Variants in SLC41A2 observed in about 807,000 individuals in gnomAD.
SLC41A2 encodes solute carrier family 41 member 2, also known as SLC41A1-like 1.
SLC41A2 carries 32 observed loss-of-function variants against 58.3 expected under a neutral mutation model. That is an observed-to-expected ratio of 0.55 (90% CI 0.41 to 0.74). The LOEUF is 0.74. Ranked by LOEUF, SLC41A2 falls within the 30% of genes least tolerant of loss-of-function variation. The pLI is 0.00. For missense variants in SLC41A2, 514 were observed against 680.6 expected (o/e 0.76, Z 2.72); for synonymous variants, 190 against 235.0 (o/e 0.81, Z 1.75).
At chr12:104,934,993 T>C (rs1301344447) in intron 1 of SLC41A2, among the ~76,000 whole-genome samples, 2 of 152,168 alleles carry the variant, frequency 1.3e-5, no homozygotes, top group African/African-American at 2.4e-5. Context: ...GTTTCGTTCT[T>C]GTTGCCCAAG....
intron 1 of SLC41A2, among the ~76,000 whole-genome samples, chr12:104,938,087 G>A (rs1171870131): frequency 6.6e-6 from 1 of 151,824 alleles, no homozygotes; most frequent in Non-Finnish European, 1.5e-5. Flanking sequence ...AATGTTCTTG[G>A]TAGCATTATC....
intron 1 of SLC41A2, among the ~76,000 whole-genome samples, chr12:104,929,859 A>G (rs1042942460): frequency 4.6e-5 from 7 of 152,234 alleles, no homozygotes; most frequent in Non-Finnish European, 1.0e-4. Context: ...AAACTACTAT[A>G]TTCCTCAGTA....
At chr12:104,853,969 T>C (rs2042924819) in intron 8 of SLC41A2, among the ~76,000 whole-genome samples, 1 of 143,482 alleles carries the variant, frequency 7.0e-6, no homozygotes, top group Non-Finnish European at 1.5e-5. Context: ...TATGTTGCCT[T>C]GGCTGGTCTC....
intron 7 of SLC41A2, 56 bp from the exon 8 acceptor site, chr12:104,861,426 T>C (rs2043208384): frequency 8.0e-7 from 1 of 1,256,248 alleles, no homozygotes; most frequent in Non-Finnish European, 1.2e-6. Flanking sequence ...ATACTTGAAG[T>C]TATTCTGTAC....
Position 104,805,175 on chromosome 12 carries a change from G to T in SLC41A2, c.1699C>A (p.Arg567=), listed in dbSNP as rs540046926. ...SFHFLWLIGD[R]DGDVGD is the part of the protein sequence containing the mutation. ...TATTAGTCTCCAACATCTCCATCTC[G>T]ATCTCCAATAAGCCAAAGAAAATGA... is the stretch of plus-strand genomic sequence containing the variant. Residue 567 remains arginine (R), a synonymous_variant, in exon 11 of 11, where the codon CGA becomes AGA. Coordinates refer to ENST00000258538, the MANE Select transcript of SLC41A2 (RefSeq NM_001352171.3). 1 of 1,610,816 alleles carries T rather than the reference G, an allele frequency of 6.2e-7. No homozygotes were observed. The highest frequency in any genetic ancestry group is 1.7e-5 in the Admixed American group (1 of 59,534).
intron 10 of SLC41A2, among the ~76,000 whole-genome samples, chr12:104,810,202 T>A (rs1019672146): frequency 3.3e-5 from 5 of 152,006 alleles, no homozygotes; most frequent in African/African-American, 9.7e-5. Flanking sequence ...TTAAAAAAAA[T>A]TTGGCTATCT....
rs547758588 is a variant in SLC41A2, at chr12:104,889,197, T to C, written c.736-20A>G. The C allele has an allele frequency of 1.9e-6, 3 of 1,596,060 alleles. No homozygotes were observed. Among genetic ancestry groups the C allele is most frequent in the Non-Finnish European group, 1.7e-6 (2 of 1,175,098 alleles). ...CTGAACCTAAAATTTTTTTCATAAATCCAACTGAATTATTCACTTTAAAAA... is the reference window on the plus strand; with the variant it reads ...CTGAACCTAAAATTTTTTTCATAAACCCAACTGAATTATTCACTTTAAAAA... On this transcript the variant is annotated intron_variant, in intron 4 of 10. Transcript: ENST00000258538.
chr12:104,918,246 A>C (rs1373477780), intron 2 of SLC41A2, among the ~76,000 whole-genome samples: 2 of 152,048 alleles, frequency 1.3e-5, no homozygotes, highest in Admixed American at 6.6e-5. Context: ...TACCTATCAA[A>C]TGTAAAATGA....
intron 1 of SLC41A2, among the ~76,000 whole-genome samples, chr12:104,952,466 A>G (rs746863057): frequency 6.6e-6 from 1 of 152,214 alleles, no homozygotes; most frequent in Non-Finnish European, 1.5e-5. Context: ...TGCTGGGCCA[A>G]TGAATTTGAA....
Position 104,801,954 on chromosome 12 carries a change from ATTCTTTAT to A in SLC41A2, c.*3190_*3197del, listed in dbSNP as rs2040723226. On this transcript the variant is annotated 3_prime_UTR_variant, in exon 11 of 11. Coordinates refer to ENST00000258538, the MANE Select transcript of SLC41A2 (RefSeq NM_001352171.3). ...ACTGGATAATTATTTCTTAAATTTT[ATTCTTTAT>A]TTGAGTTTAAAACAATTCGAAGATG... Among the ~76,000 whole-genome samples the A allele has an allele frequency of 6.6e-6, 1 of 152,008 alleles. No homozygotes were observed. The highest frequency in any genetic ancestry group is 2.1e-4 in the South Asian group (1 of 4,832).
rs955355459 is a variant in SLC41A2 at position 104,802,670 on chromosome 12, T to C, written c.*2482A>G. On this transcript the variant is annotated 3_prime_UTR_variant, in exon 11 of 11. Transcript: ENST00000258538. ...ATTGTTCTTTATTTCAAAATTTTCA[T>C]TTACCTATATTTTCCTTGGTCTTAG... is the stretch of plus-strand genomic sequence containing the variant. 2.6e-5 allele frequency: 4 copies of C among 152,204 alleles called. No individual in the cohort carries two copies. Among genetic ancestry groups the C allele is most frequent in the African/African-American group, 9.6e-5 (4 of 41,456 alleles). The allele number at this position is 152,204 out of a possible 1,614,324, so 9.4% of individuals were successfully genotyped here.
intron 6 of SLC41A2, among the ~76,000 whole-genome samples, chr12:104,875,555 G>C (rs1048680235): frequency 1.3e-5 from 2 of 152,202 alleles, no homozygotes; most frequent in Non-Finnish European, 2.9e-5. Context: ...AACTCAGGAG[G>C]CTGAGGCAGA....
At chr12:104,852,967 G>C (rs992344794) in intron 8 of SLC41A2, among the ~76,000 whole-genome samples, 5 of 152,044 alleles carry the variant, frequency 3.3e-5, no homozygotes, top group African/African-American at 1.2e-4. Flanking sequence ...AGCCAGTGGA[G>C]AGCATCTAAA....
intron 8 of SLC41A2, among the ~76,000 whole-genome samples, chr12:104,849,053 A>G (rs1313263237): frequency 6.6e-6 from 1 of 152,214 alleles, no homozygotes; most frequent in Non-Finnish European, 1.5e-5. Flanking sequence ...CATATCATGC[A>G]CAAAAATAAA....
At chr12:104,846,077 A>T (rs2042589579) in intron 8 of SLC41A2, 103 bp from the exon 9 acceptor site, 1 of 1,159,632 alleles carries the variant, frequency 8.6e-7, no homozygotes. Flanking sequence ...GGGCCAATAA[A>T]ACAAAATAAA....
intron 1 of SLC41A2, among the ~76,000 whole-genome samples, chr12:104,938,595 T>C (rs2047376508): frequency 6.6e-6 from 1 of 152,224 alleles, no homozygotes; most frequent in African/African-American, 2.4e-5. Flanking sequence ...TGGCATGTCC[T>C]AGGCAGTTGC....
At chr12:104,938,833 T>C (rs2047386407) in intron 1 of SLC41A2, among the ~76,000 whole-genome samples, 1 of 152,192 alleles carries the variant, frequency 6.6e-6, no homozygotes. Flanking sequence ...TCCTATCCAT[T>C]TTAGTTTAGG....
At chr12:104,844,648 A>G in intron 9 of SLC41A2, 28 bp from the exon 10 acceptor site, 1 of 1,326,026 alleles carries the variant, frequency 7.5e-7, no homozygotes, top group South Asian at 2.0e-5. Context: ...AAAGTAATTA[A>G]AACAAAATTA....
chr12:104,860,010 T>C, intron 8 of SLC41A2, among the ~76,000 whole-genome samples: 1 of 152,162 alleles, frequency 6.6e-6, no homozygotes, highest in East Asian at 1.9e-4. Context: ...CGCAAAGTAC[T>C]GGGATTACAG....
Sources: allele counts gnomAD v4.1 joint callset (sites outside exome capture counted in the v4.1 genomes callset), GRCh38; gene constraint gnomAD v4.1.1; transcripts MANE v1.5; gene names NCBI Gene and HGNC (gene_info 2026-07-23, HGNC 2026-07-21).